OR1J2: variants seen among roughly 807,000 people sequenced by gnomAD.
The protein encoded by OR1J2 is olfactory receptor 1J2.
For synonymous variants in OR1J2, 142 were observed against 99.7 expected, an observed-to-expected ratio of 1.42 and a Z score of -2.52; for missense variants, 304 against 246.1, an observed-to-expected ratio of 1.24 and a Z score of -1.57.
At chr9:122,464,950 C>G in the OR1J2 span, among the ~76,000 whole-genome samples, 1 of 152,098 alleles carries the variant, frequency 6.6e-6, no homozygotes, top group Non-Finnish European at 1.5e-5. Flanking sequence ...CAGTTTTGTT[C>G]TGACTTGTTT....
the OR1J2 span, among the ~76,000 whole-genome samples, chr9:122,517,584 A>G: frequency 3.3e-3 from 503 of 151,510 alleles, 2 homozygotes; most frequent in South Asian, 0.015. Flanking sequence ...ATACGTTGGT[A>G]TATATATTAG....
At chr9:122,520,037 A>T in the OR1J2 span, 17 of 1,613,982 alleles carry the variant, frequency 1.1e-5, no homozygotes, top group Non-Finnish European at 1.4e-5. Flanking sequence ...ACATAAAGGG[A>T]GCCCTGGAGA....
chr9:122,524,421 T>C, the OR1J2 span, among the ~76,000 whole-genome samples: 4 of 152,216 alleles, frequency 2.6e-5, no homozygotes, highest in Non-Finnish European at 5.9e-5. Flanking sequence ...TTTGAATACA[T>C]TGATAACTCT....
At chr9:122,568,522 G>T in the OR1J2 span, 3 of 1,151,036 alleles carry the variant, frequency 2.6e-6, no homozygotes, top group Non-Finnish European at 2.5e-6. Context: ...CATTTAACAT[G>T]CTCTGATTTC....
the OR1J2 span, among the ~76,000 whole-genome samples, chr9:122,454,619 C>T: frequency 1.3e-5 from 2 of 152,078 alleles, no homozygotes; most frequent in Admixed American, 1.3e-4. Flanking sequence ...TCTGGGTAGA[C>T]ATCTCTGGTT....
At chr9:122,468,556 A>G in the OR1J2 span, among the ~76,000 whole-genome samples, 1 of 152,122 alleles carries the variant, frequency 6.6e-6, no homozygotes, top group Non-Finnish European at 1.5e-5. Context: ...TTTGTCTGTG[A>G]AAAGGAAGAA....
At chr9:122,519,699 C>T in the OR1J2 span, 3 of 1,614,082 alleles carry the variant, frequency 1.9e-6, no homozygotes, top group South Asian at 2.2e-5. Context: ...CCTACTCAAG[C>T]TCTCATGCTC....
At chr9:122,554,470 A>T in the OR1J2 span, among the ~76,000 whole-genome samples, 8 of 152,270 alleles carry the variant, frequency 5.3e-5, no homozygotes, top group Middle Eastern at 3.4e-3. Context: ...GAGGCTCTGG[A>T]GCTGAGCAAT....
chr9:122,543,117 T>C, the OR1J2 span, among the ~76,000 whole-genome samples: 1 of 152,216 alleles, frequency 6.6e-6, no homozygotes. Context: ...TAACTGTATG[T>C]TCAGTATTGT....
At chr9:122,502,077 G>T in the OR1J2 span, among the ~76,000 whole-genome samples, 3 of 152,326 alleles carry the variant, frequency 2.0e-5, no homozygotes, top group Non-Finnish European at 4.4e-5. Flanking sequence ...AGCACTTCTA[G>T]CTTGCTATCT....
At chr9:122,538,895 G>T in the OR1J2 span, among the ~76,000 whole-genome samples, 1 of 152,130 alleles carries the variant, frequency 6.6e-6, no homozygotes, top group African/African-American at 2.4e-5. Flanking sequence ...AGGGAGACAA[G>T]AGTTGAAAAA....
upstream of OR1J2, among the ~76,000 whole-genome samples, chr9:122,510,428 TACATA>T (rs1341765023): frequency 1.3e-5 from 2 of 152,180 alleles, no homozygotes; most frequent in Admixed American, 6.5e-5. Context: ...CTAGTTTTCT[TACATA>T]ACATATAAGG....
chr9:122,516,300 C>CTTT (rs1278693220), downstream of OR1J2, among the ~76,000 whole-genome samples: 3,108 of 104,098 alleles, frequency 0.03, 287 homozygotes, highest in African/African-American at 0.11. Context: ...CATACATGGT[C>CTTT]TTTTTTTTTT....
chr9:122,508,141 G>GGA (rs61130450), upstream of OR1J2, among the ~76,000 whole-genome samples: 3 of 144,684 alleles, frequency 2.1e-5, no homozygotes, highest in African/African-American at 5.2e-5. Context: ...AGAGAGAGAG[G>GGA]GAGAGAGAGA....
chr9:122,455,076 T>C, the OR1J2 span, among the ~76,000 whole-genome samples: 1 of 152,236 alleles, frequency 6.6e-6, no homozygotes, highest in Non-Finnish European at 1.5e-5. Flanking sequence ...CTGAGTAATA[T>C]TTCATTATAT....
At chr9:122,505,263 C>A in the OR1J2 span, among the ~76,000 whole-genome samples, 1 of 152,188 alleles carries the variant, frequency 6.6e-6, no homozygotes. Context: ...GAGGCTGCAT[C>A]TTGTGAGGAC....
At chr9:122,579,465 G>T in the OR1J2 span, among the ~76,000 whole-genome samples, 29 of 152,070 alleles carry the variant, frequency 1.9e-4, no homozygotes, top group Non-Finnish European at 8.8e-5. Flanking sequence ...TCATTTCCTT[G>T]TACTGGAGCA....
rs527737425 is a variant in OR1J2, at chr9:122,511,469, C to G, written c.668C>G (p.Ala223Gly). 34 of 780,278 alleles carry G rather than the reference C, an allele frequency of 4.4e-5. No homozygotes were observed. Among genetic ancestry groups the G allele is most frequent in the African/African-American group, 3.7e-4 (22 of 59,226 alleles). 48.3% of individuals were successfully genotyped at this position (780,278 alleles called of 1,614,324 possible). Residue 223 changes from alanine to glycine, a missense_variant, in exon 1 of 1, where the codon GCC (alanine) becomes GGC (glycine). Physicochemically the swap from Ala to Gly is moderately conservative, Grantham distance 60. Coordinates refer to ENST00000335302, the MANE Select transcript of OR1J2 (RefSeq NM_054107.1). ...CILVSYGYIGATILRVPSTKG... is the reference protein window; with the variant it reads ...CILVSYGYIGGTILRVPSTKG... ...CTGGTATCATATGGCTACATTGGGG[C>G]CACCATCCTGAGGGTCCCTTCAACC...
the OR1J2 span, among the ~76,000 whole-genome samples, chr9:122,551,299 A>G: frequency 1.3e-5 from 2 of 152,208 alleles, no homozygotes; most frequent in East Asian, 3.8e-4. Context: ...CACTCTCTCC[A>G]CTTAATAGAA....
Sources: allele counts gnomAD v4.1 joint callset (sites outside exome capture counted in the v4.1 genomes callset), GRCh38; gene constraint gnomAD v4.1.1; transcripts MANE v1.5; gene names NCBI Gene and HGNC (gene_info 2026-07-23, HGNC 2026-07-21).